Variants in UGT1A8 observed in about 807,000 individuals in gnomAD.
The protein encoded by UGT1A8 is UDP glucuronosyltransferase family 1 member A8.
Under a neutral mutation model 45.3 loss-of-function variants are expected in UGT1A8, and 39 were observed. The observed-to-expected ratio is 0.86, with a 90% CI of 0.67 to 1.12. The LOEUF (loss-of-function observed/expected upper bound fraction) is 1.12. Among genes scored for constraint, UGT1A8 ranks in the 50% most tolerant of loss-of-function variants. UGT1A8 has a pLI of 0.00. For missense variants in UGT1A8, 719 were observed against 664.9 expected (o/e 1.08, Z -0.90); for synonymous variants, 275 against 249.2 (o/e 1.10, Z -0.97).
intron 1 of UGT1A8, among the ~76,000 whole-genome samples, chr2:233,649,731 AATG>A (rs2073693191): frequency 1.3e-5 from 2 of 152,216 alleles, no homozygotes; most frequent in Admixed American, 6.5e-5. Context: ...TCAAAACAAC[AATG>A]ATAAGCAGAT....
Position 233,765,281 on chromosome 2 carries a change from A to G in UGT1A8, c.856-1753A>G, listed in dbSNP as rs552450239. On this transcript the variant is annotated intron_variant, in intron 1 of 4. Transcript: ENST00000373450. Reference sequence around the variant, plus strand: ...GTATATACCCAAAGAAATATAAATTATTCTACTATAAAGACACATGCACAT... The same window carrying G: ...GTATATACCCAAAGAAATATAAATTGTTCTACTATAAAGACACATGCACAT... Among the ~76,000 whole-genome samples, 6 of 152,338 alleles carry G rather than the reference A, an allele frequency of 3.9e-5. No homozygotes were observed. The East Asian group carries it at 1.2e-3, about 29-fold the overall frequency.
chr2:233,702,674 T>C (rs1045576021), intron 1 of UGT1A8, among the ~76,000 whole-genome samples: 4 of 152,172 alleles, frequency 2.6e-5, no homozygotes, highest in African/African-American at 9.7e-5. Flanking sequence ...TTATCATACC[T>C]GAGGTGTTTG....
intron 1 of UGT1A8, among the ~76,000 whole-genome samples, chr2:233,730,798 G>C (rs772379862): frequency 4.6e-5 from 7 of 152,122 alleles, no homozygotes; most frequent in Non-Finnish European, 7.3e-5. Flanking sequence ...AGTGATGAAT[G>C]GACATGCGTC....
intron 1 of UGT1A8, chr2:233,743,102 G>A: frequency 5.7e-6 from 2 of 353,898 alleles, no homozygotes; most frequent in Non-Finnish European, 1.1e-5. Flanking sequence ...CTTGGGTACA[G>A]CTGTTCTGAA....
chr2:233,682,856 C>A, intron 1 of UGT1A8: 1 of 1,534,046 alleles, frequency 6.5e-7, no homozygotes, highest in Non-Finnish European at 8.7e-7. Flanking sequence ...AGATTTCTTA[C>A]AGAATCATAA....
In UGT1A8 at chr2:233,617,677, C is replaced by A. The variant is rs769004315; in HGVS notation, c.-31C>A. On this transcript the variant is annotated 5_prime_UTR_variant, in exon 1 of 5. Coordinates refer to ENST00000373450, the MANE Select transcript of UGT1A8 (RefSeq NM_019076.5). ...CTACTGTATCATAGCAGCTTAGAAT[C>A]CCAGCTGCTGGCTCGGGCTGCAGTT... is the stretch of plus-strand genomic sequence containing the variant. 7 of 1,594,730 alleles carry A rather than the reference C, an allele frequency of 4.4e-6. No homozygotes were observed. In the African/African-American group the frequency reaches 6.7e-5, roughly 15 times the overall value.
intron 1 of UGT1A8, among the ~76,000 whole-genome samples, chr2:233,634,267 G>A (rs1051868271): frequency 2.6e-5 from 4 of 152,202 alleles, no homozygotes; most frequent in African/African-American, 9.7e-5. Context: ...ATGTGGTGCT[G>A]AGAAGAATAT....
chr2:233,692,868 A>C, intron 1 of UGT1A8: 1 of 1,483,334 alleles, frequency 6.7e-7, no homozygotes, highest in Non-Finnish European at 8.9e-7. Flanking sequence ...TACATATCAA[A>C]GGGTAAAATT....
At chr2:233,742,287 T>C (rs1415995429) in intron 1 of UGT1A8, among the ~76,000 whole-genome samples, 2 of 152,000 alleles carry the variant, frequency 1.3e-5, no homozygotes, top group East Asian at 1.9e-4. Context: ...ATCATTTCTA[T>C]AGATTATAGA....
intron 1 of UGT1A8, among the ~76,000 whole-genome samples, chr2:233,739,561 C>T (rs1384558605): frequency 1.3e-5 from 2 of 152,192 alleles, no homozygotes; most frequent in African/African-American, 4.8e-5. Flanking sequence ...TAATGACTGC[C>T]CTGCCTGGTT....
intron 1 of UGT1A8, chr2:233,719,355 G>GAT (rs1195086069): frequency 6.2e-7 from 1 of 1,613,794 alleles, no homozygotes; most frequent in Non-Finnish European, 8.5e-7. Context: ...CATTCCATGT[G>GAT]ACTTAGACTT....
At chr2:233,734,977 G>T (rs2078594249) in intron 1 of UGT1A8, among the ~76,000 whole-genome samples, 1 of 152,188 alleles carries the variant, frequency 6.6e-6, no homozygotes, top group Non-Finnish European at 1.5e-5. Context: ...GTGCTGAGAA[G>T]AATGTATATT....
chr2:233,704,330 C>T (rs1355795459), intron 1 of UGT1A8, among the ~76,000 whole-genome samples: 1 of 143,058 alleles, frequency 7.0e-6, no homozygotes, highest in African/African-American at 2.7e-5. Flanking sequence ...TTTCTTTCCA[C>T]TATTTAAAAA....
At chr2:233,682,250 GCATTTTCTCTATTAA>G (rs781556867) in intron 1 of UGT1A8, 1 of 1,614,148 alleles carries the variant, frequency 6.2e-7, no homozygotes, top group Non-Finnish European at 8.5e-7. Context: ...ATTGCGAAGT[GCATTTTCTCTATTAA>G]CAAGTTCATC....
At chr2:233,757,560 A>ATATATATATATATATATATG (rs904896556) in intron 1 of UGT1A8, among the ~76,000 whole-genome samples, 15 of 123,136 alleles carry the variant, frequency 1.2e-4, no homozygotes, top group African/African-American at 5.1e-4. Context: ...ATATATATAT[A>ATATATATATATATATATATG]TGTATATATG....
At chr2:233,706,013 T>G (rs1292411619) in intron 1 of UGT1A8, among the ~76,000 whole-genome samples, 2 of 152,156 alleles carry the variant, frequency 1.3e-5, no homozygotes, top group Non-Finnish European at 2.9e-5. Context: ...CACTTGCACT[T>G]GGACCTGGGA....
chr2:233,749,830 G>A (rs1694282037), intron 1 of UGT1A8, among the ~76,000 whole-genome samples: 1 of 151,888 alleles, frequency 6.6e-6, no homozygotes, highest in African/African-American at 2.4e-5. Flanking sequence ...TCTCTTTCAT[G>A]TAAGACGTGT....
At chr2:233,658,419 T>C (rs1231928767) in intron 1 of UGT1A8, among the ~76,000 whole-genome samples, 1 of 152,230 alleles carries the variant, frequency 6.6e-6, no homozygotes, top group Admixed American at 6.5e-5. Context: ...TCTCTGCAGA[T>C]GTCATTAATT....
chr2:233,736,183 A>G (rs2078741283), intron 1 of UGT1A8, among the ~76,000 whole-genome samples: 2 of 152,176 alleles, frequency 1.3e-5, no homozygotes, highest in Non-Finnish European at 2.9e-5. Context: ...ACATAGTCCC[A>G]TATTTCTTCA....
Sources: gnomAD v4.1 joint callset for allele counts (sites outside exome capture counted in the v4.1 genomes callset) on GRCh38, gnomAD v4.1.1 for gene constraint, MANE v1.5 for transcripts, NCBI Gene and HGNC (gene_info 2026-07-23, HGNC 2026-07-21) for gene names.